HDAC4: variants seen among roughly 807,000 people sequenced by gnomAD.
The protein encoded by HDAC4 is histone deacetylase 4, also known as histone deacetylase A.
HDAC4 carries 16 observed loss-of-function variants against 135.1 expected under a neutral mutation model. The observed-to-expected ratio is 0.12, with a 90% CI of 0.08 to 0.18. HDAC4 has a LOEUF of 0.18. HDAC4 is among the 10% of genes least tolerant of loss of function. The pLI is 1.00. For synonymous variants in HDAC4, 685 were observed against 653.4 expected (o/e 1.05, Z -0.74); for missense variants, 1,143 against 1,511.8 (o/e 0.76, Z 4.05).
At chr2:239,348,667 G>C (rs890756723) in intron 2 of HDAC4, among the ~76,000 whole-genome samples, 9 of 152,236 alleles carry the variant, frequency 5.9e-5, no homozygotes, top group Non-Finnish European at 1.0e-4. Context: ...CCTGACAAAC[G>C]CATCCTGCCC....
intron 3 of HDAC4, among the ~76,000 whole-genome samples, chr2:239,215,176 C>T (rs894806452): frequency 6.6e-6 from 1 of 152,176 alleles, no homozygotes; most frequent in Non-Finnish European, 1.5e-5. Context: ...CCCTGGGGCG[C>T]TTGGATGTGA....
At chr2:239,114,797 T>C (rs2038982829) in intron 13 of HDAC4, among the ~76,000 whole-genome samples, 1 of 152,132 alleles carries the variant, frequency 6.6e-6, no homozygotes, top group Non-Finnish European at 1.5e-5. Context: ...ATCCATTCTC[T>C]GGGGCCTGCG....
At chr2:239,258,012 T>C (rs2049142796) in intron 2 of HDAC4, among the ~76,000 whole-genome samples, 1 of 151,254 alleles carries the variant, frequency 6.6e-6, no homozygotes, top group Non-Finnish European at 1.5e-5. Context: ...GATAAAAGAG[T>C]TGAATGCAAT....
At chr2:239,065,048 A>G (rs1458959898) in intron 24 of HDAC4, among the ~76,000 whole-genome samples, 2 of 152,200 alleles carry the variant, frequency 1.3e-5, no homozygotes, top group Non-Finnish European at 2.9e-5. Flanking sequence ...CGTGACCTCG[A>G]GTGCCTCTGG....
intron 2 of HDAC4, among the ~76,000 whole-genome samples, chr2:239,266,761 G>A (rs1009388998): frequency 3.3e-5 from 5 of 151,896 alleles, no homozygotes; most frequent in Non-Finnish European, 2.9e-5. Context: ...CTGTGAGCTT[G>A]TAAAGTGGAA....
rs767640054 is a variant in HDAC4 at position 239,144,638 on chromosome 2, G to T, written c.810C>A (p.Arg270=). 1.9e-5 allele frequency: 30 copies of T among 1,614,108 alleles called. 1 individual carries two copies. In the East Asian group the frequency reaches 6.5e-4, roughly 35 times the overall value. Reference sequence around the variant, plus strand: ...CAGTGACCACTGGCCCGTCTTTCCTGCGTAACAGGGGGCTGCTCCGTCTTT... The same window carrying T: ...CAGTGACCACTGGCCCGTCTTTCCTTCGTAACAGGGGGCTGCTCCGTCTTT... ...VAERRSSPLL[R]RKDGPVVTAL... is the part of the protein sequence containing the mutation. The change falls in exon 8 of 27, where the codon CGC becomes CGA. Residue 270 remains arginine, a synonymous_variant. Coordinates refer to ENST00000543185, the MANE Select transcript of HDAC4 (RefSeq NM_001378414.1).
chr2:239,196,105 T>C (rs1384472430), intron 3 of HDAC4, among the ~76,000 whole-genome samples: 1 of 152,076 alleles, frequency 6.6e-6, no homozygotes, highest in Non-Finnish European at 1.5e-5. Flanking sequence ...ATATTTCAAC[T>C]ATGTAACCAT....
chr2:239,345,869 AACAC>A (rs1220990556), intron 2 of HDAC4, among the ~76,000 whole-genome samples: 2 of 137,474 alleles, frequency 1.5e-5, no homozygotes, highest in East Asian at 4.5e-4. Flanking sequence ...CACACACCCT[AACAC>A]ACATACACAC....
chr2:239,215,714 C>T (rs1485501927), intron 3 of HDAC4, among the ~76,000 whole-genome samples: 1 of 152,178 alleles, frequency 6.6e-6, no homozygotes, highest in Non-Finnish European at 1.5e-5. Context: ...AAACAAGACA[C>T]AAAAACTTCA....
At chr2:239,295,123 CGGT>C (rs2051790553) in intron 2 of HDAC4, among the ~76,000 whole-genome samples, 1 of 151,386 alleles carries the variant, frequency 6.6e-6, no homozygotes, top group Non-Finnish European at 1.5e-5. Flanking sequence ...CCGGCTATAA[CGGT>C]GAAACCCCGT....
At chr2:239,244,965 C>T (rs1055564768) in intron 2 of HDAC4, among the ~76,000 whole-genome samples, 1 of 152,184 alleles carries the variant, frequency 6.6e-6, no homozygotes, top group Non-Finnish European at 1.5e-5. Context: ...TTCCCCACTG[C>T]GCAGGTTACT....
intron 3 of HDAC4, among the ~76,000 whole-genome samples, chr2:239,197,647 T>A (rs2045480465): frequency 6.6e-6 from 1 of 152,232 alleles, no homozygotes; most frequent in South Asian, 2.1e-4. Context: ...CATGTGTGAT[T>A]TCCTTAAATG....
chr2:239,292,163 T>A (rs1575626474), intron 2 of HDAC4, among the ~76,000 whole-genome samples: 1 of 152,096 alleles, frequency 6.6e-6, no homozygotes, highest in Non-Finnish European at 1.5e-5. Flanking sequence ...GGATGGTAGG[T>A]GGGGCCCCAA....
intron 22 of HDAC4, among the ~76,000 whole-genome samples, chr2:239,072,807 G>C (rs555084728): frequency 1.3e-5 from 2 of 152,326 alleles, no homozygotes; most frequent in South Asian, 4.1e-4. Context: ...CCCTTTTCGG[G>C]GATGACCGCA....
intron 17 of HDAC4, among the ~76,000 whole-genome samples, chr2:239,093,566 G>A (rs1279673025): frequency 6.6e-6 from 1 of 152,230 alleles, no homozygotes; most frequent in Non-Finnish European, 1.5e-5. Flanking sequence ...GCCGGTGGCT[G>A]TACCTCAGGA....
At chr2:239,366,797 G>A (rs1694251543) in intron 1 of HDAC4, among the ~76,000 whole-genome samples, 1 of 136,562 alleles carries the variant, frequency 7.3e-6, no homozygotes, top group Non-Finnish European at 1.5e-5. Context: ...ACCCCACGAA[G>A]GAAAACATGA....
intron 1 of HDAC4, among the ~76,000 whole-genome samples, chr2:239,388,651 T>C (rs535199415): frequency 1.3e-5 from 2 of 152,240 alleles, no homozygotes; most frequent in East Asian, 3.9e-4. Context: ...CACCATCCTG[T>C]GGGTTGGAGC....
rs150150984 is a variant in HDAC4, at chr2:239,067,883, G to A, written c.2869+606C>T. Reference sequence around the variant, plus strand: ...CAAGGCCACAGGATGCTTGGGCCTCGGGAGGCTCTCCAGGATCCTCGGGGA... The same window carrying A: ...CAAGGCCACAGGATGCTTGGGCCTCAGGAGGCTCTCCAGGATCCTCGGGGA... On this transcript the variant is annotated intron_variant, in intron 23 of 26. Transcript: ENST00000543185. Among the ~76,000 whole-genome samples, 239 of 152,318 alleles carry A rather than the reference G, an allele frequency of 1.6e-3. 1 individual carries two copies. Among genetic ancestry groups the A allele is most frequent in the African/African-American group, 5.5e-3 (227 of 41,568 alleles).
chr2:239,386,865 T>G (rs1695844542), intron 1 of HDAC4, among the ~76,000 whole-genome samples: 1 of 152,186 alleles, frequency 6.6e-6, no homozygotes, highest in Non-Finnish European at 1.5e-5. Context: ...AGAGAGGATT[T>G]CGCCACCCTC....
Sources: gnomAD v4.1 joint callset for allele counts (sites outside exome capture counted in the v4.1 genomes callset) on GRCh38, gnomAD v4.1.1 for gene constraint, MANE v1.5 for transcripts, NCBI Gene and HGNC (gene_info 2026-07-23, HGNC 2026-07-21) for gene names.